STPG2: variants seen among roughly 807,000 people sequenced by gnomAD.
STPG2 encodes sperm-tail PG-rich repeat-containing protein 2.
A neutral mutation model predicts 54.2 loss-of-function variants in STPG2; 56 were observed. The observed-to-expected ratio is 1.03, with a 90% CI of 0.83 to 1.29. The LOEUF is 1.29. Among genes scored for constraint, STPG2 ranks in the 50% most tolerant of loss-of-function variants. The pLI, the probability that STPG2 is intolerant of heterozygous loss-of-function variation, is 0.00. For synonymous variants in STPG2, 200 were observed against 181.8 expected, an observed-to-expected ratio of 1.10 and a Z score of -0.81; for missense variants, 596 against 544.9, an observed-to-expected ratio of 1.09 and a Z score of -0.93.
chr4:97,754,921 C>T (rs1191731324), intron 9 of STPG2, among the ~76,000 whole-genome samples: 1 of 152,136 alleles, frequency 6.6e-6, no homozygotes, highest in Non-Finnish European at 1.5e-5. Context: ...CTACGAACCA[C>T]AACCATGACA....
chr4:97,973,622 G>A (rs1429974383), intron 6 of STPG2, among the ~76,000 whole-genome samples: 4 of 152,194 alleles, frequency 2.6e-5, no homozygotes, highest in African/African-American at 9.6e-5. Flanking sequence ...CAGGCCTGGA[G>A]GCCTAGGAGG....
At chr4:97,860,241 T>A (rs116449841) in intron 8 of STPG2, among the ~76,000 whole-genome samples, 3,799 of 152,222 alleles carry the variant, frequency 0.025, 135 homozygotes, top group African/African-American at 0.087. Flanking sequence ...AATTTTAGAA[T>A]TGTATTTTCT....
intron 5 of STPG2, among the ~76,000 whole-genome samples, chr4:98,028,449 C>A (rs577799996): frequency 1.3e-5 from 2 of 152,290 alleles, no homozygotes; most frequent in South Asian, 4.1e-4. Context: ...TTTAGCTACA[C>A]TTTCTACCAC....
At chr4:98,003,873 A>G (rs1276100892) in intron 5 of STPG2, among the ~76,000 whole-genome samples, 1 of 152,132 alleles carries the variant, frequency 6.6e-6, no homozygotes, top group Non-Finnish European at 1.5e-5. Flanking sequence ...ATTGAAGTAT[A>G]ATAGACAAAT....
intron 5 of STPG2, among the ~76,000 whole-genome samples, chr4:98,062,646 T>G (rs1297273660): frequency 1.3e-5 from 2 of 152,040 alleles, no homozygotes; most frequent in South Asian, 2.1e-4. Context: ...ATTTAGAAAT[T>G]TTATAATATA....
At chr4:97,960,662 G>A (rs1733850085) in intron 7 of STPG2, among the ~76,000 whole-genome samples, 1 of 151,890 alleles carries the variant, frequency 6.6e-6, no homozygotes. Flanking sequence ...ACCTCTACAA[G>A]GAAAACTACA....
chr4:98,067,079 C>T (rs551452506), intron 5 of STPG2, among the ~76,000 whole-genome samples: 1 of 152,254 alleles, frequency 6.6e-6, no homozygotes, highest in African/African-American at 2.4e-5. Context: ...ACTAAAACAA[C>T]ACATTCAGAA....
chr4:97,799,247 G>T lies in STPG2; in HGVS notation c.1204+41526C>A, dbSNP rs558198424. 1.2e-3 allele frequency among the ~76,000 whole-genome samples: 186 copies of T among 152,012 alleles called. 2 individuals carry two copies. Among genetic ancestry groups the T allele is most frequent in the Admixed American group, 0.01 (158 of 15,286 alleles). ...CATTCTGATGTTAGCTGGTTATTTTGCTCGTTATTGATGCAGTTTCTTCCT... is the reference window on the plus strand; with the variant it reads ...CATTCTGATGTTAGCTGGTTATTTTTCTCGTTATTGATGCAGTTTCTTCCT... On this transcript the variant is annotated intron_variant, in intron 9 of 10. Coordinates refer to ENST00000295268, the MANE Select transcript of STPG2 (RefSeq NM_174952.3).
intron 9 of STPG2, among the ~76,000 whole-genome samples, chr4:97,733,412 G>A (rs1578516267): frequency 6.6e-6 from 1 of 151,996 alleles, no homozygotes; most frequent in Non-Finnish European, 1.5e-5. Flanking sequence ...CATACAGAGT[G>A]ATATAATGCA....
At chr4:97,643,685 G>T (rs1016578474) in intron 10 of STPG2, among the ~76,000 whole-genome samples, 1 of 151,692 alleles carries the variant, frequency 6.6e-6, no homozygotes, top group Non-Finnish European at 1.5e-5. Flanking sequence ...TTTGTTTAAA[G>T]AACTCTTTCA....
chr4:98,022,151 G>C (rs1417723724), intron 5 of STPG2, among the ~76,000 whole-genome samples: 8 of 152,170 alleles, frequency 5.3e-5, no homozygotes, highest in African/African-American at 1.9e-4. Context: ...TGCAGTGGCT[G>C]GTACTGGTTG....
intron 8 of STPG2, among the ~76,000 whole-genome samples, chr4:97,915,899 A>G (rs1180393029): frequency 1.3e-5 from 2 of 152,150 alleles, no homozygotes; most frequent in Non-Finnish European, 1.5e-5. Context: ...CATTGCAAGG[A>G]TAGAGGGGGT....
intron 8 of STPG2, among the ~76,000 whole-genome samples, chr4:97,854,905 G>A (rs1269125013): frequency 6.6e-6 from 1 of 152,010 alleles, no homozygotes; most frequent in Non-Finnish European, 1.5e-5. Flanking sequence ...CTCCCCCAAC[G>A]TCTTGCCTCC....
intron 10 of STPG2, among the ~76,000 whole-genome samples, chr4:97,582,044 C>T (rs906012799): frequency 6.6e-6 from 1 of 151,946 alleles, no homozygotes; most frequent in African/African-American, 2.4e-5. Context: ...AGAAATTTAA[C>T]CTTAAAATAA....
intron 10 of STPG2, among the ~76,000 whole-genome samples, chr4:97,595,509 T>A (rs1248019908): frequency 2.6e-5 from 4 of 151,554 alleles, no homozygotes; most frequent in Admixed American, 2.6e-4. Flanking sequence ...AATGATGAGT[T>A]AATGGGTACA....
chr4:98,084,953 G>C (rs1184528815), intron 5 of STPG2, among the ~76,000 whole-genome samples: 5 of 151,918 alleles, frequency 3.3e-5, no homozygotes, highest in Non-Finnish European at 5.9e-5. Context: ...ATTTAATTTT[G>C]ATGAAGTCCA....
At chr4:97,616,058 ATATATATATATATATAT>A in intron 10 of STPG2, among the ~76,000 whole-genome samples, 1 of 10,794 alleles carries the variant, frequency 9.3e-5, no homozygotes, top group African/African-American at 2.4e-4. Context: ...ATACATATAA[ATATATATATATATATAT>A]ATATATATAT....
intron 8 of STPG2, among the ~76,000 whole-genome samples, chr4:97,873,089 C>T (rs1443800322): frequency 4.6e-5 from 7 of 151,286 alleles, no homozygotes; most frequent in Non-Finnish European, 1.0e-4. Context: ...TATGTACACA[C>T]CTATTACCTA....
intron 9 of STPG2, among the ~76,000 whole-genome samples, chr4:97,792,137 G>C (rs183951469): frequency 6.6e-6 from 1 of 152,270 alleles, no homozygotes; most frequent in East Asian, 1.9e-4. Flanking sequence ...TAAATAGAGT[G>C]ATAAAGCCAG....
Sources: gnomAD v4.1 joint callset for allele counts (sites outside exome capture counted in the v4.1 genomes callset) on GRCh38, gnomAD v4.1.1 for gene constraint, MANE v1.5 for transcripts, NCBI Gene and HGNC (gene_info 2026-07-23, HGNC 2026-07-21) for gene names.